Variants in RBFOX1 observed in about 807,000 individuals in gnomAD.
The protein encoded by RBFOX1 is RNA binding protein fox-1 homolog 1.
In RBFOX1, 8 loss-of-function variants were observed where a neutral mutation model predicts 57.7. The ratio of observed to expected loss-of-function variants is 0.14; its 90% CI spans 0.08 to 0.25. RBFOX1 has a LOEUF of 0.25. Ranked by LOEUF, RBFOX1 falls within the 10% of genes least tolerant of loss-of-function variation. The pLI is 1.00. For missense variants in RBFOX1, 611 were observed against 548.5 expected (o/e 1.11, Z -1.14); for synonymous variants, 326 against 222.4 (o/e 1.47, Z -4.15).
chr16:6,164,944 A>G (rs988306736), intron 1 of RBFOX1, among the ~76,000 whole-genome samples: 3 of 152,142 alleles, frequency 2.0e-5, no homozygotes, highest in Non-Finnish European at 4.4e-5. Context: ...TTGGGGGGAA[A>G]GTGTGCAGTT....
At chr16:7,033,843 C>A (rs544171507) in intron 3 of RBFOX1, among the ~76,000 whole-genome samples, 2 of 152,104 alleles carry the variant, frequency 1.3e-5, no homozygotes, top group African/African-American at 2.4e-5. Flanking sequence ...GTGGCATCTG[C>A]CTGTGGGCCC....
chr16:7,159,560 C>T, intron 4 of RBFOX1, among the ~76,000 whole-genome samples: 1 of 152,192 alleles, frequency 6.6e-6, no homozygotes, highest in East Asian at 1.9e-4. Flanking sequence ...AGGATTTGAA[C>T]ATGAGTCCCC....
chr16:6,391,432 C>T (rs964087860), intron 2 of RBFOX1, among the ~76,000 whole-genome samples: 8 of 151,674 alleles, frequency 5.3e-5, no homozygotes, highest in African/African-American at 1.7e-4. Context: ...ATGACGTGAA[C>T]CCGGGAGGTG....
intron 2 of RBFOX1, among the ~76,000 whole-genome samples, chr16:5,576,697 A>T (rs77418034): frequency 0.042 from 6,426 of 152,232 alleles, 253 homozygotes; most frequent in African/African-American, 0.1. Flanking sequence ...TTGCCTTTCC[A>T]GTGTAGAGAA....
intron 2 of RBFOX1, among the ~76,000 whole-genome samples, chr16:6,488,908 T>C (rs2095565019): frequency 6.6e-6 from 1 of 152,176 alleles, no homozygotes; most frequent in Non-Finnish European, 1.5e-5. Flanking sequence ...ATGGTCTGAT[T>C]TTTCAAGAGA....
chr16:7,705,200 AG>A (rs1385528956), intron 14 of RBFOX1, among the ~76,000 whole-genome samples: 1 of 152,074 alleles, frequency 6.6e-6, no homozygotes, highest in East Asian at 1.9e-4. Flanking sequence ...GCATGTGTGC[AG>A]GAACGATCAA....
intron 2 of RBFOX1, among the ~76,000 whole-genome samples, chr16:6,534,787 G>C (rs1599120143): frequency 1.3e-5 from 2 of 152,218 alleles, no homozygotes; most frequent in African/African-American, 2.4e-5. Flanking sequence ...CTGGGGTACT[G>C]GTTCATGTAT....
intron 4 of RBFOX1, among the ~76,000 whole-genome samples, chr16:7,508,293 G>A (rs1388097740): frequency 1.3e-5 from 2 of 152,128 alleles, no homozygotes; most frequent in Admixed American, 1.3e-4. Context: ...TTTTGTTGTT[G>A]TTTGTTTTTG....
intron 1 of RBFOX1, among the ~76,000 whole-genome samples, chr16:6,076,720 T>C (rs1235065555): frequency 2.0e-5 from 3 of 152,118 alleles, no homozygotes; most frequent in East Asian, 1.9e-4. Flanking sequence ...CCAATGTACA[T>C]AGGCAGGTGG....
chr16:7,319,810 G>A (rs1414406021), intron 4 of RBFOX1, among the ~76,000 whole-genome samples: 1 of 152,100 alleles, frequency 6.6e-6, no homozygotes, highest in Admixed American at 6.6e-5. Context: ...TGCTCAAGTT[G>A]CCATGAATGA....
At chr16:5,427,855 C>T (rs1396745745) in intron 1 of RBFOX1, among the ~76,000 whole-genome samples, 1 of 152,182 alleles carries the variant, frequency 6.6e-6, no homozygotes, top group Non-Finnish European at 1.5e-5. Context: ...ACTACCCTCC[C>T]AGAAACATCC....
intron 4 of RBFOX1, among the ~76,000 whole-genome samples, chr16:7,089,995 A>C (rs530804368): frequency 6.6e-6 from 1 of 151,890 alleles, no homozygotes; most frequent in African/African-American, 2.4e-5. Context: ...AGCTAGCATT[A>C]ACACTGTGAG....
chr16:6,559,184 C>A (rs1392683745), intron 2 of RBFOX1, among the ~76,000 whole-genome samples: 8 of 151,370 alleles, frequency 5.3e-5, no homozygotes, highest in Non-Finnish European at 1.0e-4. Flanking sequence ...TATATATATA[C>A]ACAAACACAC....
At chr16:7,100,741 G>A (rs1209176970) in intron 4 of RBFOX1, among the ~76,000 whole-genome samples, 1 of 151,846 alleles carries the variant, frequency 6.6e-6, no homozygotes, top group Non-Finnish European at 1.5e-5. Context: ...GGACTCAGAG[G>A]GGGAAAAAAG....
intron 2 of RBFOX1, among the ~76,000 whole-genome samples, chr16:5,564,936 G>A (rs542079383): frequency 1.3e-5 from 2 of 152,264 alleles, no homozygotes; most frequent in East Asian, 1.9e-4. Flanking sequence ...TGGCAGCCAC[G>A]TGTAGTTTCT....
At chr16:6,257,594 A>T (rs141853115) in intron 1 of RBFOX1, among the ~76,000 whole-genome samples, 88 of 152,126 alleles carry the variant, frequency 5.8e-4, no homozygotes, top group African/African-American at 1.9e-3. Flanking sequence ...CCTGAAGTAG[A>T]CACCACTGTC....
chr16:6,211,328 A>G (rs941734674), intron 1 of RBFOX1, among the ~76,000 whole-genome samples: 4 of 147,082 alleles, frequency 2.7e-5, no homozygotes, highest in African/African-American at 1.0e-4. Context: ...TCCTGGGTTC[A>G]TGCCATTCTT....
At chr16:7,024,765 A>G (rs534003001) in intron 3 of RBFOX1, among the ~76,000 whole-genome samples, 6 of 152,304 alleles carry the variant, frequency 3.9e-5, no homozygotes, top group South Asian at 4.1e-4. Flanking sequence ...AGTGCATTCA[A>G]TGTTGAGTTC....
At chr16:6,895,291 C>G (rs1425557686) in intron 3 of RBFOX1, among the ~76,000 whole-genome samples, 1 of 151,252 alleles carries the variant, frequency 6.6e-6, no homozygotes, top group Non-Finnish European at 1.5e-5. Context: ...CCCTGGATAG[C>G]TCTAAAAAAT....
Sources: gnomAD v4.1 joint callset for allele counts (sites outside exome capture counted in the v4.1 genomes callset) on GRCh38, gnomAD v4.1.1 for gene constraint, MANE v1.5 for transcripts, NCBI Gene and HGNC (gene_info 2026-07-23, HGNC 2026-07-21) for gene names.